Variants in UNG observed in about 807,000 individuals in gnomAD.
The protein encoded by UNG is uracil-DNA glycosylase.
UNG carries 34 observed loss-of-function variants against 36.5 expected under a neutral mutation model. That is an observed-to-expected ratio of 0.93 (90% CI 0.71 to 1.24). UNG has a LOEUF of 1.24. Ranked by LOEUF, UNG falls within the 50% of genes most tolerant of loss-of-function variation. UNG has a pLI of 0.00. For synonymous variants in UNG, 172 were observed against 157.8 expected, an observed-to-expected ratio of 1.09 and a Z score of -0.67; for missense variants, 391 against 397.6, an observed-to-expected ratio of 0.98 and a Z score of 0.14.
rs2042193288 is a variant in UNG at position 109,103,428 on chromosome 12, T to C, written c.623-5T>C. 6.2e-7 allele frequency: 1 copy of C among 1,613,754 alleles called. No homozygotes were observed. Among genetic ancestry groups the C allele is most frequent in the African/African-American group, 1.3e-5 (1 of 74,934 alleles). The stretch of plus-strand genomic sequence containing the variant: ...ACATTTAACCTGTTTCTCTCATGTG[T>C]ATAGGTGTTCTCCTTCTCAACGCTG... On this transcript the variant is annotated splice_polypyrimidine_tract_variant and splice_region_variant and intron_variant, in intron 5 of 6. Coordinates refer to ENST00000242576, the MANE Select transcript of UNG (RefSeq NM_080911.3).
intron 6 of UNG, 28 bp from the exon 7 acceptor site, chr12:109,109,801 G>T: frequency 2.5e-6 from 4 of 1,604,442 alleles, no homozygotes; most frequent in Non-Finnish European, 3.4e-6. Context: ...TCCCAAATCT[G>T]CCACCATTTA....
chr12:109,099,639 C>T (rs970952385), intron 3 of UNG, among the ~76,000 whole-genome samples: 1 of 152,168 alleles, frequency 6.6e-6, no homozygotes, highest in Admixed American at 6.6e-5. Flanking sequence ...CCCACCTTGA[C>T]CTGACCACAC....
At position 109,097,971 on chromosome 12, in the gene UNG, A is replaced by G. The variant is rs998348438; in HGVS notation, c.132+160A>G. The G allele has an allele frequency of 6.4e-6, 8 of 1,240,874 alleles. No individual in the cohort carries two copies. In the East Asian group the frequency reaches 2.2e-4, roughly 33 times the overall value. 76.9% of individuals were successfully genotyped at this position (1,240,874 alleles called of 1,614,324 possible). On this transcript the variant is annotated intron_variant, in intron 1 of 6. Coordinates refer to ENST00000242576, the MANE Select transcript of UNG (RefSeq NM_080911.3). ...TTCAAAATAGCCGCCGCTGTCCCCC[A>G]TGGGCCGCCATGCTAAAGGGCCAGC...
At chr12:109,104,206 C>T (rs377628223) in intron 6 of UNG, among the ~76,000 whole-genome samples, 2 of 152,058 alleles carry the variant, frequency 1.3e-5, no homozygotes, top group African/African-American at 2.4e-5. Context: ...CCACCACACC[C>T]GGCTGATTTT....
chr12:109,110,089 G>A lies in UNG; in HGVS notation c.*120G>A, dbSNP rs1593326639. ...TCTGCATAAGGGGGAAAAGCTTCCA[G>A]AAAGCAGCCATGAACCAGGCTGTCC... On this transcript the variant is annotated 3_prime_UTR_variant, in exon 7 of 7. Transcript: ENST00000242576. 1.4e-6 allele frequency: 2 copies of A among 1,431,206 alleles called. No homozygotes were observed. The highest frequency in any genetic ancestry group is 1.9e-6 in the Non-Finnish European group (2 of 1,044,500). 88.7% of individuals were successfully genotyped at this position (1,431,206 alleles called of 1,614,324 possible).
intron 6 of UNG, among the ~76,000 whole-genome samples, chr12:109,106,877 A>ATATATATTTATACACATATATATATACG (rs2042218614): frequency 2.8e-5 from 1 of 35,126 alleles, no homozygotes; most frequent in Non-Finnish European, 7.9e-5. Context: ...AAAAAAAAAC[A>ATATATATTTATACACATATATATATACG]TATATATATA....
chr12:109,107,107 T>G (rs1036364148), intron 6 of UNG, among the ~76,000 whole-genome samples: 3 of 150,862 alleles, frequency 2.0e-5, no homozygotes, highest in Admixed American at 1.3e-4. Flanking sequence ...CCATTTGGGT[T>G]TGTGTAAAGA....
chr12:109,097,614 G>A lies in UNG; in HGVS notation c.-66G>A. On this transcript the variant is annotated 5_prime_UTR_variant, in exon 1 of 7. Transcript: ENST00000242576. ...TTGGCGCCAATTGCTGACCGCCACA[G>A]CCACAGCCAGGGCTAGCCTCGCCGG... The A allele has an allele frequency of 1.3e-6, 2 of 1,569,346 alleles. No homozygotes were observed. Among genetic ancestry groups the A allele is most frequent in the South Asian group, 1.2e-5 (1 of 86,022 alleles).
At chr12:109,099,138 T>C in intron 2 of UNG, 51 bp from the exon 3 acceptor site, 1 of 1,520,914 alleles carries the variant, frequency 6.6e-7, no homozygotes, top group South Asian at 1.1e-5. Flanking sequence ...ATTGAATTCT[T>C]ATGGTTTCCA....
intron 1 of UNG, chr12:109,098,093 AC>A (rs1397344616): frequency 7.3e-7 from 1 of 1,369,584 alleles, no homozygotes; most frequent in Admixed American, 3.2e-5. Flanking sequence ...AGGGGGCGGG[AC>A]CCAGAGGGAG....
chr12:109,100,966 G>T (rs915267942), intron 3 of UNG, among the ~76,000 whole-genome samples: 13 of 151,818 alleles, frequency 8.6e-5, no homozygotes, highest in African/African-American at 3.2e-4. Flanking sequence ...CCCGTGACAG[G>T]AACTTCATTT....
At chr12:109,107,396 G>A (rs903849544) in intron 6 of UNG, among the ~76,000 whole-genome samples, 1 of 151,654 alleles carries the variant, frequency 6.6e-6, no homozygotes, top group South Asian at 2.1e-4. Flanking sequence ...TGGAGACAGG[G>A]TTTCACCACG....
rs2042194805 is a variant in UNG at position 109,103,536 on chromosome 12, A to G, written c.726A>G (p.Leu242=). The change falls in exon 6 of 7, where the codon CTA becomes CTG. Residue 242 remains leucine, a synonymous_variant. Transcript: ENST00000242576. ...TCACTGATGCAGTTGTGTCCTGGCT[A>G]AATCAGAACTCGAATGGCCTTGTTT... is the stretch of plus-strand genomic sequence containing the variant. ...EQFTDAVVSW[L]NQNSNGLVFL... 6.2e-7 allele frequency: 1 copy of G among 1,614,062 alleles called. No homozygotes were observed. The highest frequency in any genetic ancestry group is 1.3e-5 in the African/African-American group (1 of 74,926).
intron 6 of UNG, among the ~76,000 whole-genome samples, chr12:109,106,619 C>T (rs1303126983): frequency 1.3e-5 from 2 of 151,408 alleles, no homozygotes; most frequent in Non-Finnish European, 2.9e-5. Context: ...AATATTCTGG[C>T]CGGGTGTGGT....
Position 109,098,648 on chromosome 12 carries a change from GA to G in UNG, c.339+13del. 6.2e-7 allele frequency: 1 copy of G among 1,613,208 alleles called. No individual in the cohort carries two copies. Among genetic ancestry groups the G allele is most frequent in the Non-Finnish European group, 8.5e-7 (1 of 1,179,858 alleles). Reference sequence around the variant, plus strand: ...ACCGTATTTTATCAAGGTAAATATGGAAATGCACCTTCCATAAGGGTAAATG... The same window carrying G: ...ACCGTATTTTATCAAGGTAAATATGGAATGCACCTTCCATAAGGGTAAATG... On this transcript the variant is annotated intron_variant, in intron 2 of 6. Transcript: ENST00000242576.
intron 6 of UNG, among the ~76,000 whole-genome samples, chr12:109,108,370 A>G (rs779179588): frequency 3.2e-4 from 48 of 152,126 alleles, no homozygotes; most frequent in Non-Finnish European, 6.2e-4. Context: ...GCAGTGGCTC[A>G]CGCCTGTAAT....
Position 109,097,664 on chromosome 12 carries a change from C to T in UNG, c.-16C>T. ...GTTCCCGGGTGGCGCGCGTTCGCTG[C>T]CTCCTCAGCTCCAGGATGATCGGCC... On this transcript the variant is annotated 5_prime_UTR_variant, in exon 1 of 7. Coordinates refer to ENST00000242576, the MANE Select transcript of UNG (RefSeq NM_080911.3). 1 of 1,603,696 alleles carries T rather than the reference C, an allele frequency of 6.2e-7. No homozygotes were observed.
At chr12:109,097,860 G>A (rs2042143277) in intron 1 of UNG, 49 bp downstream of exon 1, 2 of 1,475,318 alleles carry the variant, frequency 1.4e-6, no homozygotes, top group Non-Finnish European at 9.0e-7. Context: ...GGAGGAAGGC[G>A]GTGGGCCCCG....
chr12:109,105,392 C>T (rs989669208), intron 6 of UNG, among the ~76,000 whole-genome samples: 2 of 152,168 alleles, frequency 1.3e-5, no homozygotes, highest in East Asian at 1.9e-4. Context: ...GGGAGGTTTA[C>T]GGCCAGTGTT....
Sources: gnomAD v4.1 joint callset for allele counts (sites outside exome capture counted in the v4.1 genomes callset) on GRCh38, gnomAD v4.1.1 for gene constraint, MANE v1.5 for transcripts, NCBI Gene and HGNC (gene_info 2026-07-23, HGNC 2026-07-21) for gene names.